Variants in DLG2 observed in about 807,000 individuals in gnomAD.
DLG2 encodes disks large homolog 2.
In DLG2, 45 loss-of-function variants were observed where a neutral mutation model predicts 132.5. That is an observed-to-expected ratio of 0.34 (90% CI 0.27 to 0.44). DLG2 has a LOEUF of 0.44. Ranked by LOEUF, DLG2 falls within the 20% of genes least tolerant of loss-of-function variation. The pLI is 1.00. For missense variants in DLG2, 1,045 were observed against 1,196.9 expected, an observed-to-expected ratio of 0.87 and a Z score of 1.87; for synonymous variants, 424 against 419.6, an observed-to-expected ratio of 1.01 and a Z score of -0.13.
chr11:85,454,960 C>T (rs919969918), intron 3 of DLG2, among the ~76,000 whole-genome samples: 2 of 152,078 alleles, frequency 1.3e-5, no homozygotes, highest in Non-Finnish European at 2.9e-5. Flanking sequence ...TAACATGATA[C>T]CTCCAGCTTT....
At chr11:83,710,978 A>G (rs2085280986) in intron 18 of DLG2, among the ~76,000 whole-genome samples, 1 of 152,186 alleles carries the variant, frequency 6.6e-6, no homozygotes, top group South Asian at 2.1e-4. Flanking sequence ...CTTAACATGG[A>G]CTGTCTCATT....
At chr11:84,710,294 T>C (rs1190921492) in intron 6 of DLG2, among the ~76,000 whole-genome samples, 1 of 151,918 alleles carries the variant, frequency 6.6e-6, no homozygotes, top group Non-Finnish European at 1.5e-5. Context: ...TTTTACCGTA[T>C]TTGAGCATTA....
chr11:83,494,486 T>C (rs1290148354), intron 21 of DLG2, among the ~76,000 whole-genome samples: 1 of 151,706 alleles, frequency 6.6e-6, no homozygotes. Flanking sequence ...TGACTGACTC[T>C]ACGTCCCACA....
intron 6 of DLG2, among the ~76,000 whole-genome samples, chr11:85,026,216 T>C (rs976684672): frequency 1.3e-5 from 2 of 152,074 alleles, no homozygotes; most frequent in African/African-American, 4.8e-5. Context: ...ATCAAAGTTA[T>C]AGTAGCCAAA....
At chr11:84,804,963 C>G (rs1344817408) in intron 6 of DLG2, among the ~76,000 whole-genome samples, 1 of 152,150 alleles carries the variant, frequency 6.6e-6, no homozygotes, top group African/African-American at 2.4e-5. Flanking sequence ...GATCTCCACT[C>G]CCACCTGATG....
chr11:84,673,074 T>A (rs1168134229), intron 6 of DLG2, among the ~76,000 whole-genome samples: 1 of 151,172 alleles, frequency 6.6e-6, no homozygotes, highest in Non-Finnish European at 1.5e-5. Flanking sequence ...TTGACCCCCA[T>A]GACCCACTCA....
chr11:84,043,996 T>C (rs61900379), intron 11 of DLG2, among the ~76,000 whole-genome samples: 3,417 of 151,652 alleles, frequency 0.023, 57 homozygotes, highest in Admixed American at 0.033. Context: ...AAACTCTTTG[T>C]CTCCTTCCTT....
intron 3 of DLG2, chr11:85,469,341 C>T (rs1565538542): frequency 6.6e-6 from 1 of 152,198 alleles, no homozygotes; most frequent in Non-Finnish European, 1.5e-5. Flanking sequence ...ATCAGACTTT[C>T]TGCTACAGTA....
At chr11:85,577,010 T>C (rs1022338572) in intron 3 of DLG2, among the ~76,000 whole-genome samples, 1 of 151,992 alleles carries the variant, frequency 6.6e-6, no homozygotes, top group South Asian at 2.1e-4. Flanking sequence ...TCCAACATAA[T>C]TGGAGAGGAG....
chr11:84,176,134 T>C (rs2095958332), intron 8 of DLG2, among the ~76,000 whole-genome samples: 1 of 151,910 alleles, frequency 6.6e-6, no homozygotes, highest in African/African-American at 2.4e-5. Flanking sequence ...TCCTGATGGT[T>C]ACCTGATGGT....
chr11:84,965,277 T>TG (rs2053162095), intron 6 of DLG2, among the ~76,000 whole-genome samples: 1 of 151,016 alleles, frequency 6.6e-6, no homozygotes, highest in East Asian at 1.9e-4. Flanking sequence ...GGCTGGGTTT[T>TG]TGTGTGTGTG....
intron 6 of DLG2, among the ~76,000 whole-genome samples, chr11:84,563,765 G>A (rs936715191): frequency 1.6e-4 from 25 of 152,148 alleles, no homozygotes; most frequent in African/African-American, 6.0e-4. Flanking sequence ...GCTCTGTGAG[G>A]CTCTGAAGTA....
intron 6 of DLG2, among the ~76,000 whole-genome samples, chr11:84,910,973 G>C (rs2092001175): frequency 6.6e-6 from 1 of 152,144 alleles, no homozygotes; most frequent in African/African-American, 2.4e-5. Flanking sequence ...CTAGATGGCA[G>C]GGTCTGGAAG....
intron 4 of DLG2, among the ~76,000 whole-genome samples, chr11:85,220,637 A>AAAATATAT (rs371263007): frequency 2.1e-4 from 31 of 148,260 alleles, no homozygotes; most frequent in African/African-American, 4.0e-4. Flanking sequence ...TAGAAAAAAA[A>AAAATATAT]ATATATATAT....
chr11:85,614,949 A>ACTTC (rs2081243139), intron 2 of DLG2, among the ~76,000 whole-genome samples: 1 of 152,238 alleles, frequency 6.6e-6, no homozygotes, highest in South Asian at 2.1e-4. Flanking sequence ...AACTTGATTT[A>ACTTC]CTAGGAAAGG....
At chr11:83,729,310 C>T (rs904282004) in intron 18 of DLG2, among the ~76,000 whole-genome samples, 1 of 152,042 alleles carries the variant, frequency 6.6e-6, no homozygotes, top group Non-Finnish European at 1.5e-5. Context: ...GGAAGTGGAC[C>T]TTATTAGGCA....
At chr11:83,707,516 A>G (rs960935738) in intron 18 of DLG2, among the ~76,000 whole-genome samples, 1 of 152,138 alleles carries the variant, frequency 6.6e-6, no homozygotes, top group African/African-American at 2.4e-5. Flanking sequence ...TTAAAAATAC[A>G]AAAAATTAGT....
At chr11:83,974,964 C>A (rs965238951) in intron 12 of DLG2, among the ~76,000 whole-genome samples, 1 of 152,010 alleles carries the variant, frequency 6.6e-6, no homozygotes, top group African/African-American at 2.4e-5. Flanking sequence ...ACAATTTTTT[C>A]TTCAAATGTC....
chr11:84,682,169 ACC>A (rs1271665838), intron 6 of DLG2, among the ~76,000 whole-genome samples: 1 of 152,142 alleles, frequency 6.6e-6, no homozygotes, highest in Non-Finnish European at 1.5e-5. Flanking sequence ...ATTAAGCCCC[ACC>A]TCCAACACTG....
Sources: gnomAD v4.1 joint callset for allele counts (sites outside exome capture counted in the v4.1 genomes callset) on GRCh38, gnomAD v4.1.1 for gene constraint, MANE v1.5 for transcripts, NCBI Gene and HGNC (gene_info 2026-07-23, HGNC 2026-07-21) for gene names.